The following CSMD2 variants were observed in gnomAD, a reference collection of about 807,000 sequenced individuals.
CSMD2 encodes CUB and Sushi multiple domains 2.
Under a neutral mutation model 398.5 loss-of-function variants are expected in CSMD2, and 130 were observed. That is an observed-to-expected ratio of 0.33 (90% CI 0.28 to 0.38). CSMD2 has a LOEUF of 0.38. Among genes scored for constraint, CSMD2 ranks in the 10% least tolerant of loss-of-function variants. The pLI, the probability that CSMD2 is intolerant of heterozygous loss-of-function variation, is 1.00. For synonymous variants in CSMD2, 1,828 were observed against 1,908.5 expected (o/e 0.96, Z 1.10); for missense variants, 3,829 against 4,764.9 (o/e 0.80, Z 5.78).
At chr1:33,643,983 T>C (rs1643269337) in intron 29 of CSMD2, among the ~76,000 whole-genome samples, 1 of 152,164 alleles carries the variant, frequency 6.6e-6, no homozygotes, top group African/African-American at 2.4e-5. Flanking sequence ...AGGCACCCCC[T>C]ACCCCTCAAA....
chr1:33,827,593 A>G (rs1658976259), intron 6 of CSMD2, among the ~76,000 whole-genome samples: 1 of 152,152 alleles, frequency 6.6e-6, no homozygotes, highest in Admixed American at 6.5e-5. Context: ...AACATACTAT[A>G]CCATTTATGT....
In CSMD2 at chr1:33,911,269, C is replaced by A. The variant is rs75753073; in HGVS notation, c.920+6825G>T. On this transcript the variant is annotated intron_variant, in intron 5 of 70. Transcript: ENST00000373381. The stretch of plus-strand genomic sequence containing the variant: ...GAGCTAAACCAATGGTTTGATAAAG[C>A]ATATGTGAATAAATAAATAAGTGGA... Among the ~76,000 whole-genome samples, 3 of 152,188 alleles carry A rather than the reference C, an allele frequency of 2.0e-5. No homozygotes were observed. In the South Asian group the frequency reaches 6.2e-4, roughly 32 times the overall value.
chr1:33,600,946 C>G lies in CSMD2; in HGVS notation c.6775G>C (p.Val2259Leu), dbSNP rs147782423. ...VFTRSMAKKT[V>L]QSSSNQVLLK... ...AGGACCTGGTTGGATGAACTCTGCA[C>G]TGTTTTCTTGGCCATGCTCCGGGTG... The change falls in exon 44 of 71, where the codon GTG (valine) becomes CTG (leucine). Residue 2259 changes from valine (V) to leucine (L), a missense_variant. By Grantham distance (32) the Val-to-Leu change is conservative (BLOSUM62 1). Coordinates refer to ENST00000373381, the MANE Select transcript of CSMD2 (RefSeq NM_001281956.2). The G allele has an allele frequency of 6.2e-7, 1 of 1,614,074 alleles. No homozygotes were observed. Among genetic ancestry groups the G allele is most frequent in the Non-Finnish European group, 8.5e-7 (1 of 1,180,054 alleles).
At chr1:33,726,282 T>G (rs1377835150) in intron 16 of CSMD2, among the ~76,000 whole-genome samples, 2 of 152,192 alleles carry the variant, frequency 1.3e-5, no homozygotes, top group South Asian at 4.2e-4. Context: ...CCTTGGGGGC[T>G]GGGGAGGGGG....
intron 1 of CSMD2, among the ~76,000 whole-genome samples, chr1:34,140,718 G>A (rs983752529): frequency 6.6e-6 from 1 of 152,024 alleles, no homozygotes; most frequent in Non-Finnish European, 1.5e-5. Context: ...TTTAAGCCTG[G>A]GTCTCTCCCA....
intron 2 of CSMD2, among the ~76,000 whole-genome samples, chr1:34,052,303 A>G (rs924196638): frequency 6.6e-6 from 1 of 151,966 alleles, no homozygotes; most frequent in African/African-American, 2.4e-5. Context: ...TTTTAAAACA[A>G]CGCAGTACAA....
At chr1:33,529,787 A>G (rs1655082687) in intron 64 of CSMD2, among the ~76,000 whole-genome samples, 1 of 152,234 alleles carries the variant, frequency 6.6e-6, no homozygotes, top group Non-Finnish European at 1.5e-5. Flanking sequence ...GTTAGATTTT[A>G]TCAAAATTAA....
chr1:33,715,507 G>A (rs529070234), intron 20 of CSMD2, among the ~76,000 whole-genome samples: 2 of 152,244 alleles, frequency 1.3e-5, no homozygotes, highest in Non-Finnish European at 2.9e-5. Flanking sequence ...TCTCTCATAA[G>A]GGTTGAGTCT....
At chr1:33,836,926 T>C (rs895184229) in intron 6 of CSMD2, among the ~76,000 whole-genome samples, 28 of 152,208 alleles carry the variant, frequency 1.8e-4, no homozygotes, top group African/African-American at 6.8e-4. Context: ...CAGTTGGAAA[T>C]GCAGAAATCA....
chr1:33,743,971 G>C (rs902964726), intron 13 of CSMD2, among the ~76,000 whole-genome samples: 5 of 152,210 alleles, frequency 3.3e-5, no homozygotes, highest in African/African-American at 1.2e-4. Context: ...TGTGATATCT[G>C]TAATAGTGTC....
Position 34,068,907 on chromosome 1 carries a change from G to A in CSMD2, c.404+20070C>T, listed in dbSNP as rs139915655. Among the ~76,000 whole-genome samples, 1,494 of 152,236 alleles carry A rather than the reference G, an allele frequency of 9.8e-3. 21 individuals carry two copies. Among genetic ancestry groups the A allele is most frequent in the African/African-American group, 0.032 (1,323 of 41,518 alleles). ...AAGATGTGACTTGCTCCTCCTTGCCGTCTGCCATTATTGTGAGGCCTCCTC... is the reference window on the plus strand; with the variant it reads ...AAGATGTGACTTGCTCCTCCTTGCCATCTGCCATTATTGTGAGGCCTCCTC... On this transcript the variant is annotated intron_variant, in intron 2 of 70. Coordinates refer to ENST00000373381, the MANE Select transcript of CSMD2 (RefSeq NM_001281956.2).
intron 10 of CSMD2, among the ~76,000 whole-genome samples, chr1:33,799,914 G>A (rs1214027130): frequency 6.6e-6 from 1 of 152,152 alleles, no homozygotes; most frequent in East Asian, 1.9e-4. Context: ...CGACCTAATG[G>A]CTACAGGTTC....
intron 45 of CSMD2, 112 bp downstream of exon 45, chr1:33,586,976 T>G: frequency 1.3e-6 from 1 of 763,784 alleles, no homozygotes; most frequent in Admixed American, 2.8e-5. Context: ...TGTTTCTCTC[T>G]CCACAGACAG....
intron 3 of CSMD2, among the ~76,000 whole-genome samples, chr1:34,030,661 C>T (rs1650295899): frequency 6.6e-6 from 1 of 152,186 alleles, no homozygotes; most frequent in South Asian, 2.1e-4. Flanking sequence ...CAGATCTGCT[C>T]TGCTTAATGA....
In CSMD2 at chr1:33,663,111, C is replaced by A. The variant is rs2149001479; in HGVS notation, c.4053-19G>T. The A allele has an allele frequency of 6.2e-7, 1 of 1,607,408 alleles. No homozygotes were observed. The highest frequency in any genetic ancestry group is 8.5e-7 in the Non-Finnish European group (1 of 1,174,126). On this transcript the variant is annotated intron_variant, in intron 25 of 70. Coordinates refer to ENST00000373381, the MANE Select transcript of CSMD2 (RefSeq NM_001281956.2). ...GTGTAGCCTGCACGGAGAGAAGAGG[C>A]AGTGGTCATCTGGACTCAGCCCTTC...
chr1:33,673,867 A>G (rs1644603559), intron 25 of CSMD2, among the ~76,000 whole-genome samples: 2 of 152,258 alleles, frequency 1.3e-5, no homozygotes, highest in African/African-American at 2.4e-5. Flanking sequence ...AACTAGCTTC[A>G]TAAGTGAAGG....
At chr1:33,891,072 CT>C (rs1222833873) in intron 5 of CSMD2, among the ~76,000 whole-genome samples, 1 of 152,078 alleles carries the variant, frequency 6.6e-6, no homozygotes, top group Non-Finnish European at 1.5e-5. Flanking sequence ...AACTAAAGAG[CT>C]TCTGCACAGC....
In CSMD2 at chr1:33,819,824, C is replaced by T. The variant is rs369228743; in HGVS notation, c.1213G>A (p.Val405Ile). The change falls in exon 9 of 71, where the codon GTC (valine) becomes ATC (isoleucine). Residue 405 changes from valine to isoleucine, a missense_variant. By Grantham distance (29) the Val-to-Ile change is conservative. Around this residue, in one of 5 missense-constraint regions of CSMD2, gnomAD observed 2,001 missense variants for 2,567.1 expected, o/e 0.78. Transcript: ENST00000373381. ...LGSDFRLGSS[V>I]QFTCNEGYDL... ...TAGCCCTCGTTGCAGGTGAACTGGA[C>T]GCTGGATCCTAACCTGGGAGACAAA... 142 of 1,613,962 alleles carry T rather than the reference C, an allele frequency of 8.8e-5. No individual in the cohort carries two copies. Among genetic ancestry groups the T allele is most frequent in the African/African-American group, 9.3e-5 (7 of 74,904 alleles).
At chr1:33,846,259 G>C (rs1278914635) in intron 6 of CSMD2, among the ~76,000 whole-genome samples, 1 of 152,198 alleles carries the variant, frequency 6.6e-6, no homozygotes, top group Non-Finnish European at 1.5e-5. Flanking sequence ...GCTTAGCTGC[G>C]ATCTCCACCT....
Sources: allele counts gnomAD v4.1 joint callset (sites outside exome capture counted in the v4.1 genomes callset), GRCh38; gene constraint gnomAD v4.1.1; regional missense constraint gnomAD v4.1.1; transcripts MANE v1.5; gene names NCBI Gene and HGNC (gene_info 2026-07-23, HGNC 2026-07-21).